UCHL3: variants seen among roughly 807,000 people sequenced by gnomAD.
UCHL3 encodes ubiquitin carboxyl-terminal hydrolase isozyme L3.
In UCHL3, 22 loss-of-function variants were observed where a neutral mutation model predicts 35.8. That is an observed-to-expected ratio of 0.61 (90% CI 0.44 to 0.88). UCHL3 has a LOEUF of 0.88. Ranked by LOEUF, UCHL3 falls within the 40% of genes least tolerant of loss-of-function variation. The pLI, the probability that UCHL3 is intolerant of heterozygous loss-of-function variation, is 0.00. For missense variants in UCHL3, 229 were observed against 276.9 expected (o/e 0.83, Z 1.23); for synonymous variants, 90 against 92.8 (o/e 0.97, Z 0.17).
intron 3 of UCHL3, among the ~76,000 whole-genome samples, chr13:75,564,214 G>A (rs1470731105): frequency 2.7e-5 from 4 of 150,832 alleles, no homozygotes; most frequent in African/African-American, 4.9e-5. Context: ...GCAGTGGTGC[G>A]ATCTCGGCTC....
At chr13:75,555,393 A>T (rs1301787357) in intron 2 of UCHL3, among the ~76,000 whole-genome samples, 1 of 152,200 alleles carries the variant, frequency 6.6e-6, no homozygotes, top group Non-Finnish European at 1.5e-5. Flanking sequence ...TACCACTAGA[A>T]TATAAGTTCT....
At chr13:75,592,455 T>TGTATATAC (rs1416531844) in intron 6 of UCHL3, among the ~76,000 whole-genome samples, 52 of 109,548 alleles carry the variant, frequency 4.7e-4, no homozygotes, top group Non-Finnish European at 8.5e-4. Context: ...TATATATATA[T>TGTATATAC]ATATATATAT....
At chr13:75,597,437 C>A (rs903082759) in intron 7 of UCHL3, among the ~76,000 whole-genome samples, 1 of 152,020 alleles carries the variant, frequency 6.6e-6, no homozygotes, top group Non-Finnish European at 1.5e-5. Flanking sequence ...GTTCAATTTG[C>A]TCTCTGTGGG....
Position 75,581,162 on chromosome 13 carries a change from C to T in UCHL3, c.474+11655C>T, listed in dbSNP as rs543212990. Among the ~76,000 whole-genome samples, 54 of 151,506 alleles carry T rather than the reference C, an allele frequency of 3.6e-4. 1 individual carries two copies. In the South Asian group the frequency reaches 0.011, roughly 31 times the overall value. On this transcript the variant is annotated intron_variant, in intron 6 of 8. Coordinates refer to ENST00000377595, the MANE Select transcript of UCHL3 (RefSeq NM_006002.5). ...ACAGTAATTATTTTAACTATCTACC[C>T]ACTAATGATCCCTTCATGTTCAAGA... is the stretch of plus-strand genomic sequence containing the variant.
chr13:75,565,791 C>T (rs946946347), intron 3 of UCHL3, among the ~76,000 whole-genome samples: 4 of 152,216 alleles, frequency 2.6e-5, no homozygotes, highest in African/African-American at 7.2e-5. Flanking sequence ...CCCACCTCAC[C>T]GATTTTTTAA....
At chr13:75,554,733 T>C (rs1244280058) in intron 2 of UCHL3, among the ~76,000 whole-genome samples, 1 of 151,786 alleles carries the variant, frequency 6.6e-6, no homozygotes, top group Admixed American at 6.6e-5. Context: ...TGCTTGTCCT[T>C]AGAAGATACT....
chr13:75,560,528 C>CA (rs2031456762), intron 2 of UCHL3, among the ~76,000 whole-genome samples: 1 of 152,108 alleles, frequency 6.6e-6, no homozygotes, highest in African/African-American at 2.4e-5. Flanking sequence ...GTATAATTGA[C>CA]AAAAATTGAA....
intron 6 of UCHL3, among the ~76,000 whole-genome samples, chr13:75,580,849 C>T (rs1274065209): frequency 1.3e-5 from 2 of 152,118 alleles, no homozygotes; most frequent in South Asian, 2.1e-4. Context: ...GGCAACAAAA[C>T]GTGTAGGTAA....
At chr13:75,549,606 C>T, upstream of UCHL3, 1 of 474,006 alleles carries the variant, frequency 2.1e-6, no homozygotes, top group Non-Finnish European at 3.6e-6. Flanking sequence ...TTTTTTTCTC[C>T]TCGGCAGCAT....
At chr13:75,561,769 G>C (rs12870619) in intron 3 of UCHL3, among the ~76,000 whole-genome samples, 16,059 of 149,980 alleles carry the variant, frequency 0.11, 1,158 homozygotes, top group Non-Finnish European at 0.16. Context: ...AATGATATAT[G>C]TGTATGTTTC....
At chr13:75,586,807 A>G (rs1161753717) in intron 6 of UCHL3, among the ~76,000 whole-genome samples, 1 of 152,006 alleles carries the variant, frequency 6.6e-6, no homozygotes, top group Non-Finnish European at 1.5e-5. Context: ...AAGAGAAATT[A>G]GAAAACATTT....
At chr13:75,605,482 T>A (rs1471555149) in intron 8 of UCHL3, among the ~76,000 whole-genome samples, 1 of 152,156 alleles carries the variant, frequency 6.6e-6, no homozygotes, top group South Asian at 2.1e-4. Flanking sequence ...CACTCCAGCC[T>A]GGGTGACAGA....
rs114009079 is a variant in UCHL3 at position 75,581,425 on chromosome 13, C to T, written c.474+11918C>T. Among the ~76,000 whole-genome samples the T allele has an allele frequency of 5.1e-3, 765 of 150,958 alleles. 10 individuals carry two copies. The highest frequency in any genetic ancestry group is 0.018 in the African/African-American group (737 of 41,060). On this transcript the variant is annotated intron_variant, in intron 6 of 8. Transcript: ENST00000377595. ...AGTGCAGTGGGTCGATCTTGGCTCC[C>T]TGTAGCCTTGATCTCCTGGGCTCAA...
intron 6 of UCHL3, among the ~76,000 whole-genome samples, chr13:75,571,976 CTGTCTTGTCT>C (rs6145127): frequency 0.11 from 16,088 of 143,070 alleles, 1,268 homozygotes; most frequent in East Asian, 0.28. Flanking sequence ...TTTCCTAACC[CTGTCTTGTCT>C]TGTCTTGTCT....
At chr13:75,549,777 C>T (rs1323841892), upstream of UCHL3, 3 of 1,060,952 alleles carry the variant, frequency 2.8e-6, no homozygotes, top group Non-Finnish European at 3.5e-6. Context: ...GCGGCGGCGG[C>T]GAAGGCGGCG....
intron 6 of UCHL3, among the ~76,000 whole-genome samples, chr13:75,593,918 ACTAT>A (rs753965442): frequency 3.3e-5 from 5 of 152,218 alleles, no homozygotes; most frequent in Admixed American, 6.5e-5. Flanking sequence ...TATTTAAGAT[ACTAT>A]CTGTTACTGA....
intron 6 of UCHL3, among the ~76,000 whole-genome samples, chr13:75,573,170 G>A (rs1216702958): frequency 2.6e-5 from 4 of 151,878 alleles, no homozygotes; most frequent in East Asian, 1.9e-4. Context: ...AGGCTGAGGC[G>A]GGAGAATCGC....
At chr13:75,557,503 G>A (rs2031332825) in intron 2 of UCHL3, among the ~76,000 whole-genome samples, 1 of 152,012 alleles carries the variant, frequency 6.6e-6, no homozygotes, top group Non-Finnish European at 1.5e-5. Flanking sequence ...GGTTTTTTTG[G>A]TTATTTTATT....
intron 6 of UCHL3, among the ~76,000 whole-genome samples, chr13:75,586,094 C>CA (rs796272566): frequency 2.4e-4 from 36 of 151,900 alleles, no homozygotes; most frequent in African/African-American, 6.5e-4. Flanking sequence ...AGTAAAAAAG[C>CA]AAGACACAAT....
Sources: allele counts gnomAD v4.1 joint callset (sites outside exome capture counted in the v4.1 genomes callset), GRCh38; gene constraint gnomAD v4.1.1; transcripts MANE v1.5; gene names NCBI Gene and HGNC (gene_info 2026-07-23, HGNC 2026-07-21).